CLOCK: variants seen among roughly 807,000 people sequenced by gnomAD.
The protein encoded by CLOCK is circadian locomoter output cycles protein kaput.
A neutral mutation model predicts 118.4 loss-of-function variants in CLOCK; 43 were observed. That is an observed-to-expected ratio of 0.36 (90% CI 0.28 to 0.47). The LOEUF (loss-of-function observed/expected upper bound fraction) is 0.47, where lower values mean the gene tolerates loss of function less well. Ranked by LOEUF, CLOCK falls within the 20% of genes least tolerant of loss-of-function variation. The pLI is 1.00. For synonymous variants in CLOCK, 326 were observed against 339.2 expected, an observed-to-expected ratio of 0.96 and a Z score of 0.43; for missense variants, 846 against 999.9, an observed-to-expected ratio of 0.85 and a Z score of 2.08.
rs767453644 is a variant in CLOCK, at chr4:55,470,699, T to G, written c.438+18A>C. The stretch of plus-strand genomic sequence containing the variant: ...AGGCATTTTAATACGAAGTAGATTG[T>G]AGGATCTTTATACTTACTGGTAAAT... On this transcript the variant is annotated intron_variant, in intron 8 of 22. Coordinates refer to ENST00000513440, the MANE Select transcript of CLOCK (RefSeq NM_004898.4). 16 of 1,505,522 alleles carry G rather than the reference T, an allele frequency of 1.1e-5. No homozygotes were observed. Among genetic ancestry groups the G allele is most frequent in the Non-Finnish European group, 1.5e-5 (16 of 1,082,144 alleles). The allele number at this position is 1,505,522 out of a possible 1,614,324, so 93.3% of individuals were successfully genotyped here. A position where few individuals can be genotyped will look rare whatever the true frequency, so the allele number is the denominator to read the frequency against.
chr4:55,456,507 C>CA (rs1249534101), intron 11 of CLOCK, among the ~76,000 whole-genome samples: 23 of 151,928 alleles, frequency 1.5e-4, no homozygotes, highest in Non-Finnish European at 1.9e-4. Context: ...ACTAAAAATA[C>CA]AAAAAATAGC....
At chr4:55,456,077 T>TGG in intron 12 of CLOCK, 74 bp from the exon 13 acceptor site, 6 of 978,512 alleles carry the variant, frequency 6.1e-6, no homozygotes, top group Non-Finnish European at 7.8e-6. Flanking sequence ...AAATAAACTT[T>TGG]GGGGGGGGGG....
At chr4:55,515,674 C>T (rs1359967038) in intron 1 of CLOCK, among the ~76,000 whole-genome samples, 1 of 152,156 alleles carries the variant, frequency 6.6e-6, no homozygotes, top group African/African-American at 2.4e-5. Context: ...CGAGCCACCA[C>T]GCCCAGCCTC....
At chr4:55,529,249 C>T (rs559348543) in intron 1 of CLOCK, among the ~76,000 whole-genome samples, 1 of 152,288 alleles carries the variant, frequency 6.6e-6, no homozygotes, top group East Asian at 1.9e-4. Context: ...GCCTCGAACT[C>T]CTGAGCTCAA....
intron 2 of CLOCK, among the ~76,000 whole-genome samples, chr4:55,496,860 C>G (rs1728115714): frequency 6.6e-6 from 1 of 152,152 alleles, no homozygotes; most frequent in South Asian, 2.1e-4. Flanking sequence ...GGTTTGTCCA[C>G]CAGTACCCAA....
At chr4:55,453,331 T>C in intron 14 of CLOCK, 1 of 555,850 alleles carries the variant, frequency 1.8e-6, no homozygotes, top group African/African-American at 1.9e-5. Context: ...TACACTGCTG[T>C]AAACGATCCA....
chr4:55,539,250 A>G (rs1387502810), intron 1 of CLOCK, among the ~76,000 whole-genome samples: 1 of 151,446 alleles, frequency 6.6e-6, no homozygotes, highest in Non-Finnish European at 1.5e-5. Flanking sequence ...CAACAACAAC[A>G]ACAACAAAAA....
At chr4:55,532,474 C>A (rs2110091622) in intron 1 of CLOCK, among the ~76,000 whole-genome samples, 1 of 152,068 alleles carries the variant, frequency 6.6e-6, no homozygotes, top group Admixed American at 6.6e-5. Flanking sequence ...GTTTCAGGAT[C>A]CGAAATCAAC....
chr4:55,467,161 G>T (rs1255395972), intron 8 of CLOCK, among the ~76,000 whole-genome samples: 1 of 152,114 alleles, frequency 6.6e-6, no homozygotes, highest in Non-Finnish European at 1.5e-5. Context: ...TTTATTGAGG[G>T]AAGTGTTAAT....
Position 55,481,355 on chromosome 4 carries a change from A to G in CLOCK, c.47+1384T>C, listed in dbSNP as rs746741644. Among the ~76,000 whole-genome samples, 99 of 152,202 alleles carry G rather than the reference A, an allele frequency of 6.5e-4. 1 individual carries two copies. Among genetic ancestry groups the G allele is most frequent in the South Asian group, 8.3e-4 (4 of 4,838 alleles). ...CATGACATTCAGAGATAAGGAACCC[A>G]TATTAATAATCACTGCTTTATGTCT... On this transcript the variant is annotated intron_variant, in intron 4 of 22. Coordinates refer to ENST00000513440, the MANE Select transcript of CLOCK (RefSeq NM_004898.4).
At chr4:55,515,097 G>GT (rs1729420751) in intron 1 of CLOCK, among the ~76,000 whole-genome samples, 1 of 152,088 alleles carries the variant, frequency 6.6e-6, no homozygotes, top group Non-Finnish European at 1.5e-5. Flanking sequence ...TCTACTTCTT[G>GT]TATGACTTTT....
chr4:55,512,686 T>C (rs1475699053), intron 1 of CLOCK, among the ~76,000 whole-genome samples: 1 of 152,230 alleles, frequency 6.6e-6, no homozygotes, highest in Non-Finnish European at 1.5e-5. Flanking sequence ...CTAGGAGTTT[T>C]ATACTTTTAC....
chr4:55,506,139 G>GGGTCATGTACTGCATTTAGC (rs1728782860), intron 2 of CLOCK, among the ~76,000 whole-genome samples: 1 of 152,054 alleles, frequency 6.6e-6, no homozygotes, highest in African/African-American at 2.4e-5. Context: ...ATCCAATCCA[G>GGGTCATGTACTGCATTTAGC]GGTCATGTAC....
chr4:55,499,301 C>A (rs1728280448), intron 2 of CLOCK, among the ~76,000 whole-genome samples: 1 of 152,168 alleles, frequency 6.6e-6, no homozygotes, highest in South Asian at 2.1e-4. Context: ...CCATTAACAT[C>A]CTCTAAAGCA....
chr4:55,511,691 T>C (rs1729157732), intron 1 of CLOCK, among the ~76,000 whole-genome samples: 1 of 152,190 alleles, frequency 6.6e-6, no homozygotes, highest in African/African-American at 2.4e-5. Flanking sequence ...ACAAACATAA[T>C]GGCATGCATC....
chr4:55,445,582 C>CTTTTTTTTTTTTTTTTTTTTTTTTTTT lies in CLOCK; in HGVS notation c.1540-798_1540-797insAAAAAAAAAAAAAAAAAAAAAAAAAAA, dbSNP rs56157186. On this transcript the variant is annotated intron_variant, in intron 18 of 22. Coordinates refer to ENST00000513440, the MANE Select transcript of CLOCK (RefSeq NM_004898.4). ...TCTCTGCATCTGCTATTTCTATATT[C>CTTTTTTTTTTTTTTTTTTTTTTTTTTT]TTTTTTTTTTTTTTTTTTTTTTTTT... Among the ~76,000 whole-genome samples, 66 of 68,590 alleles carry CTTTTTTTTTTTTTTTTTTTTTTTTTTT rather than the reference C, an allele frequency of 9.6e-4. 15 individuals carry two copies. Among genetic ancestry groups the CTTTTTTTTTTTTTTTTTTTTTTTTTTT allele is most frequent in the South Asian group, 1.6e-3 (2 of 1,250 alleles). 45.0% of individuals were successfully genotyped at this position (68,590 alleles called of 152,430 possible). A position where few individuals can be genotyped will look rare whatever the true frequency, so the allele number is the denominator to read the frequency against.
At chr4:55,533,831 A>AG (rs1170242463) in intron 1 of CLOCK, among the ~76,000 whole-genome samples, 3 of 152,172 alleles carry the variant, frequency 2.0e-5, no homozygotes, top group Admixed American at 2.0e-4. Context: ...TGAACCTGGG[A>AG]GGCAGAGGTT....
chr4:55,498,264 C>T (rs962695967), intron 2 of CLOCK, among the ~76,000 whole-genome samples: 3 of 152,142 alleles, frequency 2.0e-5, no homozygotes, highest in African/African-American at 7.2e-5. Context: ...AATCATTTCA[C>T]TGAAAAGACA....
At chr4:55,477,420 C>T (rs1004800405) in intron 6 of CLOCK, among the ~76,000 whole-genome samples, 9 of 151,614 alleles carry the variant, frequency 5.9e-5, no homozygotes, top group African/African-American at 1.7e-4. Flanking sequence ...AATATTGACA[C>T]ATTTACGAAA....
Sources: allele counts gnomAD v4.1 joint callset (sites outside exome capture counted in the v4.1 genomes callset), GRCh38; gene constraint gnomAD v4.1.1; transcripts MANE v1.5; gene names NCBI Gene and HGNC (gene_info 2026-07-23, HGNC 2026-07-21).